The following TFRC variants were observed in gnomAD, a reference collection of about 807,000 sequenced individuals.
The protein encoded by TFRC is transferrin receptor.
TFRC carries 35 observed loss-of-function variants against 85.8 expected under a neutral mutation model. The observed-to-expected ratio is 0.41, with a 90% CI of 0.31 to 0.54. The LOEUF (loss-of-function observed/expected upper bound fraction) is 0.54, where lower values mean the gene tolerates loss of function less well. Among genes scored for constraint, TFRC ranks in the 20% least tolerant of loss-of-function variants. The pLI is 0.31. For synonymous variants in TFRC, 362 were observed against 328.6 expected, an observed-to-expected ratio of 1.10 and a Z score of -1.10; for missense variants, 828 against 921.5, an observed-to-expected ratio of 0.90 and a Z score of 1.31.
chr3:196,065,015 T>C (rs548555959), intron 10 of TFRC, among the ~76,000 whole-genome samples: 6 of 152,048 alleles, frequency 3.9e-5, no homozygotes, highest in African/African-American at 1.2e-4. Flanking sequence ...CCCAGCACTT[T>C]GGGAGGCTGA....
chr3:196,055,231 A>C lies in TFRC; in HGVS notation c.1748T>G (p.Leu583Trp), dbSNP rs1716676239. The change falls in exon 17 of 19, where the codon TTG (leucine) becomes TGG (tryptophan). Residue 583 changes from leucine (L) to tryptophan (W), a missense_variant. Coordinates refer to ENST00000360110, the MANE Select transcript of TFRC (RefSeq NM_001128148.3). ...TGCAGCTGCTCGTGCCACTTTGTTCAACTCAGGAATCCTCTCAATCAGTTC... is the reference window on the plus strand; with the variant it reads ...TGCAGCTGCTCGTGCCACTTTGTTCCACTCAGGAATCCTCTCAATCAGTTC... ...YKELIERIPELNKVARAAAEV... is the reference protein window; with the variant it reads ...YKELIERIPEWNKVARAAAEV... The C allele has an allele frequency of 6.2e-7, 1 of 1,614,090 alleles. No individual in the cohort carries two copies. The highest frequency in any genetic ancestry group is 1.1e-5 in the South Asian group (1 of 91,086).
intron 4 of TFRC, 109 bp from the exon 5 acceptor site, chr3:196,072,261 C>T (rs986853867): frequency 7.1e-7 from 1 of 1,402,900 alleles, no homozygotes. Context: ...CCTCATAGTT[C>T]AGATAAATGA....
In TFRC at chr3:196,071,503, T is replaced by C; in HGVS notation, c.585-5A>G. On this transcript the variant is annotated splice_region_variant and splice_polypyrimidine_tract_variant and intron_variant, in intron 5 of 18. Transcript: ENST00000360110. ...ATGATCACCGAGTTTTGAGCGCTGT[T>C]AAAAAGATTAAGTTAAAATAAGCCT... 1 of 1,613,630 alleles carries C rather than the reference T, an allele frequency of 6.2e-7. No individual in the cohort carries two copies. Among genetic ancestry groups the C allele is most frequent in the Non-Finnish European group, 8.5e-7 (1 of 1,179,606 alleles).
chr3:196,056,365 T>C (rs1478082913), intron 16 of TFRC, among the ~76,000 whole-genome samples: 2 of 152,132 alleles, frequency 1.3e-5, no homozygotes, highest in African/African-American at 4.8e-5. Flanking sequence ...GTCCAATAGA[T>C]AGCCACTGCT....
At position 196,072,102 on chromosome 3, in the gene TFRC, T is replaced by C. The variant is rs1577246560; in HGVS notation, c.485A>G (p.Asp162Gly). 6.2e-7 allele frequency: 1 copy of C among 1,614,204 alleles called. No homozygotes were observed. Among genetic ancestry groups the C allele is most frequent in the Non-Finnish European group, 8.5e-7 (1 of 1,180,032 alleles). ...YVPREAGSQK[D>G]ENLALYVENQ... ...TTCAACATACAACGCAAGATTTTCA[T>C]CTTTTTGAGATCCAGCCTCACGAGG... Residue 162 changes from aspartate to glycine, a missense_variant, in exon 5 of 19, where the codon GAT becomes GGT. Transcript: ENST00000360110.
chr3:196,064,243 A>G (rs1354109644), intron 11 of TFRC, 66 bp downstream of exon 11: 2 of 1,472,758 alleles, frequency 1.4e-6, no homozygotes, highest in Non-Finnish European at 1.8e-6. Flanking sequence ...TGAGCAAAGC[A>G]CAGTATAACA....
At position 196,049,619 on chromosome 3, in the gene TFRC, T is replaced by A. The variant is rs531402913; in HGVS notation, c.*2323A>T. ...ATAGGAAGTAACTCAACCCTAACTG[T>A]AGAAAAGGGTTTTCTGAAGAGACTC... On this transcript the variant is annotated 3_prime_UTR_variant, in exon 19 of 19. Transcript: ENST00000360110. 4.4e-6 allele frequency: 1 copy of A among 225,674 alleles called. No homozygotes were observed. The highest frequency in any genetic ancestry group is 2.2e-5 in the African/African-American group (1 of 45,012). 14.0% of individuals were successfully genotyped at this position (225,674 alleles called of 1,614,324 possible). A position where few individuals can be genotyped will look rare whatever the true frequency, so the allele number is the denominator to read the frequency against.
At chr3:196,067,086 A>G (rs1384085426) in intron 9 of TFRC, among the ~76,000 whole-genome samples, 2 of 152,224 alleles carry the variant, frequency 1.3e-5, no homozygotes, top group Non-Finnish European at 2.9e-5. Flanking sequence ...TTCTCAATCT[A>G]TAGACAAGGT....
rs1717686609 is a variant in TFRC at position 196,065,749 on chromosome 3, T to C, written c.1041-149A>G. 6.6e-6 allele frequency: 5 copies of C among 762,300 alleles called. No homozygotes were observed. The South Asian group carries it at 9.1e-5, about 14-fold the overall frequency. The allele number at this position is 762,300 out of a possible 1,614,324, so 47.2% of individuals were successfully genotyped here. A position where few individuals can be genotyped will look rare whatever the true frequency, so the allele number is the denominator to read the frequency against. On this transcript the variant is annotated intron_variant, in intron 9 of 18. Coordinates refer to ENST00000360110, the MANE Select transcript of TFRC (RefSeq NM_001128148.3). ...GCTCACCCCTGTAATCCCAGCACTT[T>C]GGGAGGCTGAGGCAGGTGGATCACA...
At position 196,065,491 on chromosome 3, in the gene TFRC, T is replaced by C; in HGVS notation, c.1150A>G (p.Ile384Val). Reference protein sequence around the residue: ...KLTVSNVLKEIKILNIFGVIK... With the variant: ...KLTVSNVLKEVKILNIFGVIK... ...ACTCCAAAGATGTTAAGAATTTTTA[T>C]CTCTTTCAGCACATTGCTCACAGTG... is the stretch of plus-strand genomic sequence containing the variant. The change falls in exon 10 of 19, where the codon ATA becomes GTA. Residue 384 changes from isoleucine to valine, a missense_variant. Physicochemically the swap from Ile to Val is conservative, Grantham distance 29 (BLOSUM62 3). Coordinates refer to ENST00000360110, the MANE Select transcript of TFRC (RefSeq NM_001128148.3). The C allele has an allele frequency of 6.2e-7, 1 of 1,604,546 alleles. No individual in the cohort carries two copies.
At chr3:196,061,582 C>T (rs183306090) in intron 13 of TFRC, among the ~76,000 whole-genome samples, 4 of 152,192 alleles carry the variant, frequency 2.6e-5, no homozygotes, top group East Asian at 1.9e-4. Flanking sequence ...CTCTGCCTCC[C>T]GGGTTCAAGT....
intron 4 of TFRC, 124 bp from the exon 5 acceptor site, chr3:196,072,276 T>C (rs912658005): frequency 2.3e-6 from 3 of 1,319,460 alleles, no homozygotes; most frequent in African/African-American, 1.5e-5. Flanking sequence ...AAATGAACTG[T>C]GACCCAAAAC....
At chr3:196,057,096 G>A (rs528542553) in intron 16 of TFRC, among the ~76,000 whole-genome samples, 3 of 152,284 alleles carry the variant, frequency 2.0e-5, no homozygotes, top group East Asian at 1.9e-4. Flanking sequence ...CTGGGATTAA[G>A]GGAGGAGACC....
In TFRC at chr3:196,072,013, C is replaced by A; in HGVS notation, c.574G>T (p.Val192Phe). Reference protein sequence around the residue: ...WRDQHFVKIQVKDSAQNSVII... With the variant: ...WRDQHFVKIQFKDSAQNSVII... ...CATCTTTCAACATACCTGTCTTTGACCTGAATCTTAACAAAATGTTGATCA... is the reference window on the plus strand; with the variant it reads ...CATCTTTCAACATACCTGTCTTTGAACTGAATCTTAACAAAATGTTGATCA... Residue 192 changes from valine (V) to phenylalanine (F), a missense_variant, in exon 5 of 19, where the codon GTC becomes TTC. Val to Phe is a conservative substitution (Grantham distance 50). Coordinates refer to ENST00000360110, the MANE Select transcript of TFRC (RefSeq NM_001128148.3). The A allele has an allele frequency of 6.2e-7, 1 of 1,613,162 alleles. No individual in the cohort carries two copies.
At position 196,054,416 on chromosome 3, in the gene TFRC, T is replaced by TAAAATA. The variant is rs1243577754; in HGVS notation, c.1899+658_1899+663dup. Reference sequence around the variant, plus strand: ...GCGAGACTTCATCTCTCAAAAAAAATAAAATAAAAATAAAAATAAAAAAGA... The same window carrying TAAAATA: ...GCGAGACTTCATCTCTCAAAAAAAATAAAATAAAAATAAAAATAAAAATAAAAAAGA... On this transcript the variant is annotated intron_variant, in intron 17 of 18. Transcript: ENST00000360110. Among the ~76,000 whole-genome samples the TAAAATA allele has an allele frequency of 3.3e-5, 5 of 151,726 alleles. No individual in the cohort carries two copies. The East Asian group carries it at 7.7e-4, about 23-fold the overall frequency.
At chr3:196,070,806 A>G (rs1435330587) in intron 6 of TFRC, among the ~76,000 whole-genome samples, 1 of 146,626 alleles carries the variant, frequency 6.8e-6, no homozygotes, top group African/African-American at 2.5e-5. Context: ...AATAATAATA[A>G]TAAAATAAAA....
At chr3:196,053,370 G>C (rs374526236) in intron 18 of TFRC, 48 bp downstream of exon 18, 34 of 1,605,888 alleles carry the variant, frequency 2.1e-5, no homozygotes, top group Non-Finnish European at 2.9e-5. Flanking sequence ...AGATTTATCG[G>C]TTATTTTACA....
rs182281383 is a variant in TFRC at position 196,057,318 on chromosome 3, G to A, written c.1677+966C>T. On this transcript the variant is annotated intron_variant, in intron 16 of 18. Coordinates refer to ENST00000360110, the MANE Select transcript of TFRC (RefSeq NM_001128148.3). ...CCTGTTCTGTTCTGTTCTAATTACC[G>A]GTGCATGCAACCCCCAGTCACGTAC... Among the ~76,000 whole-genome samples the A allele has an allele frequency of 3.3e-3, 498 of 152,098 alleles. 4 individuals are homozygous for A. Among genetic ancestry groups the A allele is most frequent in the African/African-American group, 0.011 (468 of 41,466 alleles).
chr3:196,062,531 C>T, intron 13 of TFRC, 51 bp downstream of exon 13: 1 of 1,535,658 alleles, frequency 6.5e-7, no homozygotes, highest in Non-Finnish European at 9.0e-7. Context: ...AAAACTCCAT[C>T]TCAAAAAAGT....
Sources: gnomAD v4.1 joint callset for allele counts (sites outside exome capture counted in the v4.1 genomes callset) on GRCh38, gnomAD v4.1.1 for gene constraint, MANE v1.5 for transcripts, NCBI Gene and HGNC (gene_info 2026-07-23, HGNC 2026-07-21) for gene names.